The following FAM120A variants were observed in gnomAD, a reference collection of about 807,000 sequenced individuals.
FAM120A encodes constitutive coactivator of PPAR-gamma-like protein 1.
In FAM120A, 15 loss-of-function variants were observed where a neutral mutation model predicts 109.7. The observed-to-expected ratio is 0.14, with a 90% CI of 0.09 to 0.21. FAM120A has a LOEUF of 0.21. Ranked by LOEUF, FAM120A falls within the 10% of genes least tolerant of loss-of-function variation. The pLI is 1.00. For synonymous variants in FAM120A, 493 were observed against 572.8 expected, an observed-to-expected ratio of 0.86 and a Z score of 1.99; for missense variants, 899 against 1,439.3, an observed-to-expected ratio of 0.62 and a Z score of 6.07.
At chr9:93,522,080 AAAAAC>A (rs1275127154) in intron 7 of FAM120A, among the ~76,000 whole-genome samples, 9 of 152,338 alleles carry the variant, frequency 5.9e-5, no homozygotes, top group African/African-American at 1.4e-4. Flanking sequence ...ATCCTGTTTA[AAAAAC>A]AAAACAAAAC....
intron 3 of FAM120A, among the ~76,000 whole-genome samples, chr9:93,491,210 C>T (rs542022110): frequency 3.6e-4 from 55 of 152,284 alleles, no homozygotes; most frequent in South Asian, 3.3e-3. Context: ...ACTGACCCAA[C>T]CCCAAGATTG....
At position 93,546,971 on chromosome 9, in the gene FAM120A, G is replaced by A. The variant is rs577054375; in HGVS notation, c.2159+3500G>A. Among the ~76,000 whole-genome samples the A allele has an allele frequency of 3.3e-5, 5 of 152,258 alleles. No individual in the cohort carries two copies. In the East Asian group the frequency reaches 7.7e-4, roughly 23 times the overall value. On this transcript the variant is annotated intron_variant, in intron 11 of 17. Coordinates refer to ENST00000277165, the MANE Select transcript of FAM120A (RefSeq NM_014612.5). Reference sequence around the variant, plus strand: ...TGCTTTTACTAGTGATGTTAACATCGATCACTTGGTTAAGGTAGAGTTGGG... The same window carrying A: ...TGCTTTTACTAGTGATGTTAACATCAATCACTTGGTTAAGGTAGAGTTGGG...
intron 5 of FAM120A, among the ~76,000 whole-genome samples, chr9:93,511,896 G>A (rs764758858): frequency 6.6e-6 from 1 of 152,198 alleles, no homozygotes; most frequent in Non-Finnish European, 1.5e-5. Flanking sequence ...GGGTTCAAGC[G>A]ATTTTCAGCC....
chr9:93,537,406 T>C (rs1370855008), intron 10 of FAM120A, among the ~76,000 whole-genome samples: 1 of 152,212 alleles, frequency 6.6e-6, no homozygotes, highest in Non-Finnish European at 1.5e-5. Flanking sequence ...AGCTCAGTGA[T>C]TCGCACATTT....
chr9:93,514,737 G>A (rs533575818), intron 5 of FAM120A, among the ~76,000 whole-genome samples: 16 of 152,256 alleles, frequency 1.1e-4, no homozygotes, highest in Admixed American at 7.2e-4. Context: ...TTGTTACTGC[G>A]GGTCTTGTGC....
chr9:93,539,079 G>A (rs1259189168), intron 10 of FAM120A, among the ~76,000 whole-genome samples: 1 of 143,800 alleles, frequency 7.0e-6, no homozygotes, highest in East Asian at 2.4e-4. Context: ...CTCACTGCAA[G>A]CTCCGCCTCC....
At chr9:93,563,323 A>G (rs537237802) in intron 17 of FAM120A, among the ~76,000 whole-genome samples, 1 of 152,316 alleles carries the variant, frequency 6.6e-6, no homozygotes, top group East Asian at 1.9e-4. Flanking sequence ...TGAAGGTGAA[A>G]AACATCCATG....
rs955891265 is a variant in FAM120A at position 93,464,604 on chromosome 9, G to C, written c.475-6537G>C. On this transcript the variant is annotated intron_variant, in intron 1 of 17. Coordinates refer to ENST00000277165, the MANE Select transcript of FAM120A (RefSeq NM_014612.5). Reference sequence around the variant, plus strand: ...ATGCTCCTCGGGGTTGTTTACAGAAGGAGTTTTAGAGTTTCACTTCCTTGA... The same window carrying C: ...ATGCTCCTCGGGGTTGTTTACAGAACGAGTTTTAGAGTTTCACTTCCTTGA... 3.3e-5 allele frequency among the ~76,000 whole-genome samples: 5 copies of C among 152,294 alleles called. No homozygotes were observed. In the East Asian group the frequency reaches 9.7e-4, roughly 29 times the overall value.
intron 17 of FAM120A, 85 bp from the exon 18 acceptor site, chr9:93,564,144 G>A: frequency 1.5e-6 from 2 of 1,343,998 alleles, no homozygotes; most frequent in East Asian, 4.6e-5. Context: ...AATCTGCAGA[G>A]AGTGTCATTA....
At chr9:93,519,832 A>G (rs1350143141) in intron 7 of FAM120A, among the ~76,000 whole-genome samples, 1 of 152,186 alleles carries the variant, frequency 6.6e-6, no homozygotes. Flanking sequence ...AAAAAAAGAA[A>G]AAAGCTTCCT....
intron 11 of FAM120A, among the ~76,000 whole-genome samples, chr9:93,545,945 C>T (rs867781569): frequency 8.4e-4 from 127 of 151,566 alleles, no homozygotes; most frequent in African/African-American, 2.8e-3. Flanking sequence ...CCACCACGCC[C>T]GGCTAATTTT....
chr9:93,527,067 G>A (rs1319301954), intron 7 of FAM120A, 88 bp from the exon 8 acceptor site: 17 of 947,272 alleles, frequency 1.8e-5, no homozygotes, highest in Non-Finnish European at 2.7e-5. Flanking sequence ...GTTATTATGA[G>A]CCTGAAGACT....
At chr9:93,476,791 G>T (rs1858568041) in intron 3 of FAM120A, among the ~76,000 whole-genome samples, 1 of 152,106 alleles carries the variant, frequency 6.6e-6, no homozygotes, top group Non-Finnish European at 1.5e-5. Flanking sequence ...GACTCAAATG[G>T]AAGTGATCCA....
At chr9:93,561,511 C>T (rs866104760) in intron 16 of FAM120A, among the ~76,000 whole-genome samples, 12 of 152,200 alleles carry the variant, frequency 7.9e-5, no homozygotes, top group Admixed American at 2.6e-4. Flanking sequence ...CCTCCCACTT[C>T]AGCCTCCTGA....
At chr9:93,478,849 G>A (rs1564316448) in intron 3 of FAM120A, among the ~76,000 whole-genome samples, 1 of 152,126 alleles carries the variant, frequency 6.6e-6, no homozygotes, top group Non-Finnish European at 1.5e-5. Context: ...ATACATAGGG[G>A]AAATTGGATG....
intron 7 of FAM120A, among the ~76,000 whole-genome samples, chr9:93,524,027 GC>G (rs1298047926): frequency 6.6e-6 from 1 of 152,228 alleles, no homozygotes; most frequent in African/African-American, 2.4e-5. Flanking sequence ...GCCTTCTGTT[GC>G]CCTGCACCAG....
intron 10 of FAM120A, among the ~76,000 whole-genome samples, chr9:93,540,837 ATCT>A (rs1861671413): frequency 6.6e-6 from 1 of 152,190 alleles, no homozygotes. Context: ...GAGAAGGAAA[ATCT>A]TCTACCAATA....
In FAM120A at chr9:93,562,312, GACA is replaced by G. The variant is rs747232212; in HGVS notation, c.3045+12_3045+14del. 6 of 1,610,362 alleles carry G rather than the reference GACA, an allele frequency of 3.7e-6. No individual in the cohort carries two copies. Among genetic ancestry groups the G allele is most frequent in the Non-Finnish European group, 5.1e-6 (6 of 1,176,698 alleles). ...AACCAGGCAGCAATTCAGGTAAGAA[GACA>G]ACATGATGTTTGTGCCAGTTCAATG... On this transcript the variant is annotated intron_variant, in intron 17 of 17. Coordinates refer to ENST00000277165, the MANE Select transcript of FAM120A (RefSeq NM_014612.5).
At chr9:93,459,980 A>C (rs1333125288) in intron 1 of FAM120A, among the ~76,000 whole-genome samples, 2 of 152,258 alleles carry the variant, frequency 1.3e-5, no homozygotes, top group African/African-American at 4.8e-5. Flanking sequence ...CCAGGAAGAA[A>C]GTAATCAAAA....
Sources: allele counts gnomAD v4.1 joint callset (sites outside exome capture counted in the v4.1 genomes callset), GRCh38; gene constraint gnomAD v4.1.1; transcripts MANE v1.5; gene names NCBI Gene and HGNC (gene_info 2026-07-23, HGNC 2026-07-21).